Variants in RABGAP1L observed in about 807,000 individuals in gnomAD.
The protein encoded by RABGAP1L is RAB GTPase activating protein 1 like.
Under a neutral mutation model 137.7 loss-of-function variants are expected in RABGAP1L, and 63 were observed. The ratio of observed to expected loss-of-function variants is 0.46; its 90% confidence interval spans 0.37 to 0.56. RABGAP1L has a LOEUF of 0.56. Among genes scored for constraint, RABGAP1L ranks in the 20% least tolerant of loss-of-function variants. The pLI is 0.00. For missense variants in RABGAP1L, 1,095 were observed against 1,244.0 expected (o/e 0.88, Z 1.80); for synonymous variants, 431 against 433.7 (o/e 0.99, Z 0.08).
intron 14 of RABGAP1L, among the ~76,000 whole-genome samples, chr1:174,645,045 A>G (rs1674837854): frequency 6.6e-6 from 1 of 152,112 alleles, no homozygotes; most frequent in South Asian, 2.1e-4. Context: ...GATTTTTGTT[A>G]AATAAGAAGA....
intron 14 of RABGAP1L, among the ~76,000 whole-genome samples, chr1:174,671,531 T>C (rs1677176232): frequency 6.6e-6 from 1 of 152,248 alleles, no homozygotes; most frequent in Admixed American, 6.5e-5. Context: ...ATGTGGAATT[T>C]TGTCAAATGA....
At chr1:174,355,410 C>T (rs1683544676) in intron 11 of RABGAP1L, among the ~76,000 whole-genome samples, 1 of 140,634 alleles carries the variant, frequency 7.1e-6, no homozygotes, top group Admixed American at 7.6e-5. Context: ...GGGAATTGAA[C>T]AATGAGAACA....
chr1:174,352,217 A>G (rs752825400), intron 11 of RABGAP1L, among the ~76,000 whole-genome samples: 4 of 151,722 alleles, frequency 2.6e-5, no homozygotes, highest in African/African-American at 2.4e-5. Context: ...TTTTGAAGCT[A>G]TTTTCTAGAC....
chr1:174,549,732 A>G (rs552157635), intron 13 of RABGAP1L, among the ~76,000 whole-genome samples: 8 of 152,360 alleles, frequency 5.3e-5, no homozygotes, highest in Admixed American at 5.2e-4. Context: ...AAGAATTAAC[A>G]TTACCATTAA....
chr1:174,547,709 C>T (rs1666132953), intron 13 of RABGAP1L: 1 of 742,126 alleles, frequency 1.3e-6, no homozygotes, highest in Admixed American at 2.8e-5. Flanking sequence ...TTCTTTTAGA[C>T]ATGGGGAATT....
Position 174,982,891 on chromosome 1 carries a change from C to A in RABGAP1L, c.2791C>A (p.Leu931Met). Residue 931 changes from leucine to methionine, a missense_variant, in exon 24 of 26, where the codon CTG (leucine) becomes ATG (methionine). Coordinates refer to ENST00000681986, the MANE Select transcript of RABGAP1L (RefSeq NM_001366446.1). ...ACAGCAAGCAGCCAGCAAGGAGGAG[C>A]TGGAAGTGGTAAAGGTAAGGAGTGA... ...EKQQAASKEELEVVKGKMMAC... is the reference protein window; with the variant it reads ...EKQQAASKEEMEVVKGKMMAC... The A allele has an allele frequency of 6.4e-7, 1 of 1,550,406 alleles. No homozygotes were observed. The highest frequency in any genetic ancestry group is 8.7e-7 in the Non-Finnish European group (1 of 1,146,896).
At chr1:174,331,510 A>C (rs542805689) in intron 11 of RABGAP1L, among the ~76,000 whole-genome samples, 1 of 152,350 alleles carries the variant, frequency 6.6e-6, no homozygotes, top group East Asian at 1.9e-4. Flanking sequence ...GATGACATAC[A>C]AATAGTCAAC....
intron 13 of RABGAP1L, among the ~76,000 whole-genome samples, chr1:174,543,832 T>C (rs1449673333): frequency 6.6e-5 from 10 of 152,286 alleles, no homozygotes; most frequent in Non-Finnish European, 1.5e-5. Flanking sequence ...TGTAAAGGAT[T>C]TTATTTCTCC....
intron 13 of RABGAP1L, among the ~76,000 whole-genome samples, chr1:174,528,693 C>T (rs1664138050): frequency 6.6e-6 from 1 of 151,494 alleles, no homozygotes. Context: ...GCTATGAAGA[C>T]CTTTTTATGT....
chr1:174,781,706 T>G (rs148042520), intron 18 of RABGAP1L, among the ~76,000 whole-genome samples: 3,225 of 152,296 alleles, frequency 0.021, 54 homozygotes, highest in Middle Eastern at 0.085. Flanking sequence ...TTAGGTCTAA[T>G]ATTTAAGTCT....
At chr1:174,772,091 C>T (rs914949706) in intron 18 of RABGAP1L, among the ~76,000 whole-genome samples, 2 of 151,766 alleles carry the variant, frequency 1.3e-5, no homozygotes, top group African/African-American at 4.8e-5. Context: ...CCCAGCTACT[C>T]GAGAGGCTGA....
chr1:174,979,213 T>C (rs2149382668), intron 23 of RABGAP1L, among the ~76,000 whole-genome samples: 1 of 152,282 alleles, frequency 6.6e-6, no homozygotes, highest in East Asian at 1.9e-4. Flanking sequence ...AAAGTAATTA[T>C]TTTGTTGTTG....
At position 174,888,006 on chromosome 1, in the gene RABGAP1L, C is replaced by T. The variant is rs1211115143; in HGVS notation, c.2341-69451C>T. On this transcript the variant is annotated intron_variant, in intron 19 of 25. Transcript: ENST00000681986. ...GAGCTGAGATCACGCCACTGCACTC[C>T]AGCCTGGGGGACAGAGCGAGACTTC... Among the ~76,000 whole-genome samples the T allele has an allele frequency of 2.0e-5, 3 of 151,858 alleles. No individual in the cohort carries two copies. In the South Asian group the frequency reaches 6.2e-4, roughly 32 times the overall value.
chr1:174,857,159 G>A (rs536355841), intron 19 of RABGAP1L, among the ~76,000 whole-genome samples: 1 of 152,240 alleles, frequency 6.6e-6, no homozygotes, highest in African/African-American at 2.4e-5. Flanking sequence ...GTCTACACTA[G>A]AAACAACTTC....
At chr1:174,728,652 C>CA in intron 17 of RABGAP1L, among the ~76,000 whole-genome samples, 2 of 129,284 alleles carry the variant, frequency 1.5e-5, no homozygotes, top group Non-Finnish European at 3.1e-5. Context: ...GGCTGGAGTG[C>CA]GGTGGTGTGA....
chr1:174,940,266 CTTTT>C (rs531025242), intron 19 of RABGAP1L, among the ~76,000 whole-genome samples: 1 of 140,794 alleles, frequency 7.1e-6, no homozygotes, highest in Non-Finnish European at 1.6e-5. Context: ...TTGTTTGTTT[CTTTT>C]TTTTTTTTTT....
chr1:174,278,523 A>G, intron 9 of RABGAP1L, 90 bp from the exon 10 acceptor site: 1 of 1,006,528 alleles, frequency 9.9e-7, no homozygotes, highest in Non-Finnish European at 1.5e-6. Flanking sequence ...ATTGTAAAGA[A>G]CTTTAATTCT....
intron 17 of RABGAP1L, among the ~76,000 whole-genome samples, chr1:174,741,029 T>A (rs1362740381): frequency 7.0e-6 from 1 of 143,630 alleles, no homozygotes; most frequent in African/African-American, 2.8e-5. Flanking sequence ...CTTCACTCTG[T>A]TGATTTTTTT....
intron 13 of RABGAP1L, among the ~76,000 whole-genome samples, chr1:174,581,739 A>G (rs375049749): frequency 1.3e-5 from 2 of 152,186 alleles, no homozygotes; most frequent in East Asian, 3.8e-4. Context: ...CAAAAAGATT[A>G]TTTATAATAT....
Sources: gnomAD v4.1 joint callset for allele counts (sites outside exome capture counted in the v4.1 genomes callset) on GRCh38, gnomAD v4.1.1 for gene constraint, MANE v1.5 for transcripts, NCBI Gene and HGNC (gene_info 2026-07-23, HGNC 2026-07-21) for gene names.